The following NPHP4 variants were observed in gnomAD, a reference collection of about 807,000 sequenced individuals.
NPHP4 encodes the protein nephrocystin 4.
A neutral mutation model predicts 155.8 loss-of-function variants in NPHP4; 151 were observed. The observed-to-expected ratio is 0.97, with a 90% CI of 0.85 to 1.11. The LOEUF (loss-of-function observed/expected upper bound fraction) is 1.11, where lower values mean the gene tolerates loss of function less well. Ranked by LOEUF, NPHP4 falls within the 50% of genes least tolerant of loss-of-function variation. The probability of loss-of-function intolerance (pLI) is 0.00; values close to 1 mark genes in which losing one functional copy is unlikely to be tolerated. For missense variants in NPHP4, 1,956 were observed against 1,925.7 expected, an observed-to-expected ratio of 1.02 and a Z score of -0.29; for synonymous variants, 845 against 816.8, an observed-to-expected ratio of 1.03 and a Z score of -0.59.
chr1:5,975,553 C>G (rs548730247), intron 3 of NPHP4, among the ~76,000 whole-genome samples: 1 of 152,314 alleles, frequency 6.6e-6, no homozygotes, highest in South Asian at 2.1e-4. Flanking sequence ...ACTAGTCCCC[C>G]GGGCCCATCC....
chr1:5,991,921 C>CCAGGGGGCAGGGGGCAGGGGG (rs71568636), intron 1 of NPHP4, among the ~76,000 whole-genome samples: 9 of 101,034 alleles, frequency 8.9e-5, no homozygotes, highest in African/African-American at 1.5e-4. Flanking sequence ...TGCAGAGAGG[C>CCAGGGGGCAGGGGGCAGGGGG]CAGGGGGCAG....
At position 5,909,145 on chromosome 1, in the gene NPHP4, G is replaced by A. The variant is rs1057504997; in HGVS notation, c.1503+7C>T. 6.3e-7 allele frequency: 1 copy of A among 1,593,144 alleles called. No individual in the cohort carries two copies. The highest frequency in any genetic ancestry group is 1.3e-5 in the African/African-American group (1 of 74,514). On this transcript the variant is annotated splice_region_variant and intron_variant, in intron 12 of 29. Coordinates refer to ENST00000378156, the MANE Select transcript of NPHP4 (RefSeq NM_015102.5). ...TCTGAAGGAGGCCGTGGGGGGCCTG[G>A]ACTTACCCCTGGTCCCACAGGTGAG... is the stretch of plus-strand genomic sequence containing the variant.
At chr1:5,949,245 T>G (rs1244196547) in intron 7 of NPHP4, among the ~76,000 whole-genome samples, 2 of 151,986 alleles carry the variant, frequency 1.3e-5, no homozygotes, top group Non-Finnish European at 2.9e-5. Context: ...GGTGTTTCAA[T>G]CCTATTCTCT....
intron 3 of NPHP4, among the ~76,000 whole-genome samples, chr1:5,970,125 G>A (rs979400922): frequency 6.6e-6 from 1 of 152,098 alleles, no homozygotes; most frequent in African/African-American, 2.4e-5. Flanking sequence ...CATCTCATAC[G>A]GGCGCTCCCA....
intron 11 of NPHP4, among the ~76,000 whole-genome samples, chr1:5,919,409 C>A (rs1406469099): frequency 6.6e-6 from 1 of 152,216 alleles, no homozygotes; most frequent in Non-Finnish European, 1.5e-5. Flanking sequence ...TCACTAACAT[C>A]CCAGAGCAGA....
chr1:5,950,805 T>C (rs1446842236), intron 7 of NPHP4, among the ~76,000 whole-genome samples: 3 of 152,102 alleles, frequency 2.0e-5, no homozygotes, highest in Non-Finnish European at 4.4e-5. Context: ...CTGCTCGAGA[T>C]TCTACTAAAA....
chr1:5,940,573 A>G (rs556534072), intron 9 of NPHP4, among the ~76,000 whole-genome samples: 2 of 152,364 alleles, frequency 1.3e-5, no homozygotes, highest in South Asian at 4.1e-4. Context: ...CATGCGGTAT[A>G]TAATAAGAGC....
intron 12 of NPHP4, among the ~76,000 whole-genome samples, chr1:5,907,449 T>C (rs1287130941): frequency 2.0e-5 from 3 of 152,224 alleles, no homozygotes; most frequent in Non-Finnish European, 4.4e-5. Context: ...CCCCAGATCA[T>C]AATATCTGAA....
rs1405603122 is a variant in NPHP4 at position 5,905,759 on chromosome 1, T to A, written c.1636A>T (p.Ile546Phe). 1 of 1,611,174 alleles carries A rather than the reference T, an allele frequency of 6.2e-7. No individual in the cohort carries two copies. The highest frequency in any genetic ancestry group is 8.5e-7 in the Non-Finnish European group (1 of 1,178,662). The change falls in exon 14 of 30, where the codon ATC (isoleucine) becomes TTC (phenylalanine). Residue 546 changes from isoleucine to phenylalanine, a missense_variant. Ile to Phe is a conservative substitution (Grantham distance 21, BLOSUM62 0). Transcript: ENST00000378156. The surrounding 1 kb of genome is among the most constrained non-coding windows in gnomAD (Gnocchi z 4.0). Reference protein sequence around the residue: ...QAQEFPLEAGISHLEADLSQT... With the variant: ...QAQEFPLEAGFSHLEADLSQT... ...CTCAGGTCGGCTTCCAGGTGGGAGA[T>A]ACCGGCCTCCAACGGGAACTCCTGC... is the stretch of plus-strand genomic sequence containing the variant.
In NPHP4 at chr1:5,926,811, A is replaced by G. The variant is rs577029777; in HGVS notation, c.1441+838T>C. ...GCATCACCAGCTGGAGCCCAGAGGA[A>G]CACAAAGCTCCCTCCCGGGCTTGCA... is the stretch of plus-strand genomic sequence containing the variant. On this transcript the variant is annotated intron_variant, in intron 11 of 29. Transcript: ENST00000378156. Among the ~76,000 whole-genome samples, 8 of 152,344 alleles carry G rather than the reference A, an allele frequency of 5.3e-5. No homozygotes were observed. The East Asian group carries it at 1.5e-3, about 29-fold the overall frequency.
At chr1:5,964,941 A>ATATATATATATATATTTTTTTT in intron 5 of NPHP4, among the ~76,000 whole-genome samples, 5 of 59,404 alleles carry the variant, frequency 8.4e-5, no homozygotes, top group Non-Finnish European at 1.4e-4. Context: ...ATATATATAT[A>ATATATATATATATATTTTTTTT]TTTTTTTTTT....
In NPHP4 at chr1:5,944,405, C is replaced by T. The variant is rs1159288224; in HGVS notation, c.1119+2699G>A. Among the ~76,000 whole-genome samples the T allele has an allele frequency of 6.6e-6, 1 of 152,254 alleles. No homozygotes were observed. Among genetic ancestry groups the T allele is most frequent in the Non-Finnish European group, 1.5e-5 (1 of 68,044 alleles). Reference sequence around the variant, plus strand: ...CCTGCCACAGCCCGCCCTGGGCCTTCCAAGGAGCGCGCTGGGCTCCTCTAC... The same window carrying T: ...CCTGCCACAGCCCGCCCTGGGCCTTTCAAGGAGCGCGCTGGGCTCCTCTAC... On this transcript the variant is annotated intron_variant, in intron 9 of 29. Transcript: ENST00000378156. The surrounding 1 kb of genome is among the most constrained non-coding windows in gnomAD (Gnocchi z 4.3).
chr1:5,976,563 T>C (rs1411140682), intron 3 of NPHP4, among the ~76,000 whole-genome samples: 2 of 152,220 alleles, frequency 1.3e-5, no homozygotes, highest in African/African-American at 4.8e-5. Context: ...AACAGCACTC[T>C]AAGGGTTCAT....
intron 2 of NPHP4, among the ~76,000 whole-genome samples, chr1:5,980,941 C>T (rs1015891579): frequency 2.0e-5 from 3 of 152,206 alleles, no homozygotes; most frequent in South Asian, 2.1e-4. Context: ...CAGCTCCTCC[C>T]GCATCCAGAC....
chr1:5,911,249 C>T (rs1190315744), intron 11 of NPHP4, among the ~76,000 whole-genome samples: 3 of 152,180 alleles, frequency 2.0e-5, no homozygotes, highest in East Asian at 1.9e-4. Flanking sequence ...TTCAGAGCTC[C>T]GTACGGCAAA....
Position 5,905,184 on chromosome 1 carries a change from C to A in NPHP4, c.1955+108G>T. ...AAAACAGATGGCACTCCCGAATCTA[C>A]TAAGACCTCAGCACAGACAGTTCTG... On this transcript the variant is annotated intron_variant, in intron 15 of 29. Transcript: ENST00000378156. This position sits in a 1 kb window ranked among gnomAD's most constrained non-coding sequence, Gnocchi z 4.0. The A allele has an allele frequency of 1.1e-6, 1 of 906,572 alleles. No homozygotes were observed. The highest frequency in any genetic ancestry group is 1.8e-5 in the Admixed American group (1 of 55,132). The allele number at this position is 906,572 out of a possible 1,614,324, so 56.2% of individuals were successfully genotyped here.
chr1:5,947,039 T>A, intron 9 of NPHP4, 65 bp downstream of exon 9: 1 of 1,579,674 alleles, frequency 6.3e-7, no homozygotes, highest in African/African-American at 1.3e-5. Context: ...TCATGCCCAC[T>A]ACATTTATCC....
intron 5 of NPHP4, among the ~76,000 whole-genome samples, chr1:5,964,941 A>ATATATATATATATATTTTTTTTTTTTTTT: frequency 2.9e-4 from 17 of 59,380 alleles, no homozygotes; most frequent in Admixed American, 7.0e-4. Context: ...ATATATATAT[A>ATATATATATATATATTTTTTTTTTTTTTT]TTTTTTTTTT....
chr1:5,968,623 C>A (rs1198254674), intron 4 of NPHP4, among the ~76,000 whole-genome samples: 1 of 151,658 alleles, frequency 6.6e-6, no homozygotes, highest in South Asian at 2.1e-4. Flanking sequence ...AAAGGCAAAC[C>A]CCCAAGCAAG....
Sources: gnomAD v4.1 joint callset for allele counts (sites outside exome capture counted in the v4.1 genomes callset) on GRCh38, gnomAD v4.1.1 for gene constraint, Gnocchi (gnomAD v3.1) non-coding constraint, MANE v1.5 for transcripts, NCBI Gene and HGNC (gene_info 2026-07-23, HGNC 2026-07-21) for gene names.